The following RBM25 variants were observed in gnomAD, a reference collection of about 807,000 sequenced individuals.
RBM25 encodes the protein RNA-binding protein 25.
RBM25 carries 19 observed loss-of-function variants against 120.7 expected under a neutral mutation model. The ratio of observed to expected loss-of-function variants is 0.16; its 90% CI spans 0.11 to 0.23. The LOEUF (loss-of-function observed/expected upper bound fraction) is 0.23, where lower values mean the gene tolerates loss of function less well. Ranked by LOEUF, RBM25 falls within the 10% of genes least tolerant of loss-of-function variation. RBM25 has a pLI of 1.00. For synonymous variants in RBM25, 390 were observed against 326.7 expected, an observed-to-expected ratio of 1.19 and a Z score of -2.09; for missense variants, 605 against 1,041.5, an observed-to-expected ratio of 0.58 and a Z score of 5.77.
chr14:73,086,581 C>T (rs777032091), intron 5 of RBM25, among the ~76,000 whole-genome samples: 1 of 152,126 alleles, frequency 6.6e-6, no homozygotes, highest in Non-Finnish European at 1.5e-5. Flanking sequence ...CTGAGGTCCC[C>T]GAGTTTCAAG....
chr14:73,067,855 T>TC (rs1205784189), intron 1 of RBM25, among the ~76,000 whole-genome samples: 1 of 151,982 alleles, frequency 6.6e-6, no homozygotes, highest in Non-Finnish European at 1.5e-5. Context: ...CGCTTCGGCC[T>TC]CCCAAAGTGC....
rs200144909 is a variant in RBM25, at chr14:73,122,279, G to GT, written c.*2487dup. 0.11 allele frequency: 16,026 copies of GT among 143,100 alleles called. 1,041 individuals carry two copies. The highest frequency in any genetic ancestry group is 0.19 in the African/African-American group (7,426 of 39,340). The allele number at this position is 143,100 out of a possible 1,614,324, so 8.9% of individuals were successfully genotyped here. The stretch of plus-strand genomic sequence containing the variant: ...AGTCTTTTTTTGTTGTTTTTTTGGG[G>GT]TTTTTTTTTTTTTGAGAGGAAGTTG... On this transcript the variant is annotated 3_prime_UTR_variant, in exon 19 of 19. Transcript: ENST00000261973.
intron 1 of RBM25, 129 bp from the exon 2 acceptor site, chr14:73,071,498 T>G (rs1895292409): frequency 4.5e-6 from 3 of 666,366 alleles, no homozygotes; most frequent in Non-Finnish European, 7.9e-6. Context: ...AAGAGGGTCT[T>G]TGCCAATTTC....
chr14:73,068,349 G>T, intron 1 of RBM25: 1 of 703,472 alleles, frequency 1.4e-6, no homozygotes, highest in Non-Finnish European at 2.6e-6. Context: ...CGTCTTGGCA[G>T]TGAGCAGCAT....
At chr14:73,093,479 T>G (rs1895862090) in intron 6 of RBM25, among the ~76,000 whole-genome samples, 1 of 152,194 alleles carries the variant, frequency 6.6e-6, no homozygotes, top group Non-Finnish European at 1.5e-5. Context: ...TCACCTTTTG[T>G]TTCCCAGTAT....
In RBM25 at chr14:73,106,045, A is replaced by C. The variant is rs1399359697; in HGVS notation, c.1341A>C (p.Glu447Asp). Residue 447 changes from glutamate (E) to aspartate (D), a missense_variant, in exon 11 of 19, where the codon GAA (glutamate) becomes GAC (aspartate). Physicochemically the swap from Glu to Asp is conservative, Grantham distance 45. Around this residue, in one of 4 missense-constraint regions of RBM25, gnomAD observed 465 missense variants for 741.6 expected, o/e 0.63. Transcript: ENST00000261973. ...ATGCATACGAACGAAGAAAACTTGA[A>C]AGAAAACTCCGAGAGAAAGAAGCTG... ...EEDAYERRKL[E>D]RKLREKEAAY... 1.9e-6 allele frequency: 3 copies of C among 1,609,844 alleles called. No homozygotes were observed. Among genetic ancestry groups the C allele is most frequent in the South Asian group, 2.2e-5 (2 of 90,204 alleles).
chr14:73,094,322 A>G (rs1365271958), intron 6 of RBM25, among the ~76,000 whole-genome samples: 3 of 151,854 alleles, frequency 2.0e-5, no homozygotes, highest in Non-Finnish European at 4.4e-5. Context: ...TTTTGGGTTA[A>G]TAAACTTTTC....
At chr14:73,071,167 G>A (rs1401558981) in intron 1 of RBM25, among the ~76,000 whole-genome samples, 10 of 150,384 alleles carry the variant, frequency 6.6e-5, no homozygotes, top group Admixed American at 5.3e-4. Context: ...GCTTGAACCC[G>A]GGAGGCGGAG....
chr14:73,083,150 T>G (rs1018917305), intron 4 of RBM25, among the ~76,000 whole-genome samples: 1 of 152,214 alleles, frequency 6.6e-6, no homozygotes, highest in African/African-American at 2.4e-5. Context: ...TTCATAATAT[T>G]TACTTAAATT....
intron 1 of RBM25, among the ~76,000 whole-genome samples, chr14:73,062,690 A>G (rs578252045): frequency 1.5e-4 from 23 of 151,598 alleles, no homozygotes; most frequent in African/African-American, 5.5e-4. Context: ...TTCTTTTTGG[A>G]CCAGATTTCT....
chr14:73,106,329 CA>C (rs760162331), intron 12 of RBM25, 44 bp downstream of exon 12: 32 of 1,462,542 alleles, frequency 2.2e-5, no homozygotes, highest in Non-Finnish European at 3.0e-5. Flanking sequence ...GGTAAAAAGT[CA>C]GATTGTATCT....
At chr14:73,118,477 CA>C (rs1285834950) in intron 18 of RBM25, among the ~76,000 whole-genome samples, 2,450 of 136,894 alleles carry the variant, frequency 0.018, 71 homozygotes, top group African/African-American at 0.061. Flanking sequence ...ATCCTGTCTC[CA>C]GAAAAAAAAA....
intron 4 of RBM25, 73 bp from the exon 5 acceptor site, chr14:73,083,421 A>C (rs1328471271): frequency 8.4e-7 from 1 of 1,187,088 alleles, no homozygotes; most frequent in East Asian, 3.0e-5. Context: ...TAGAAATATA[A>C]TTTTGCTTTT....
At chr14:73,061,133 C>G (rs1322561136) in intron 1 of RBM25, among the ~76,000 whole-genome samples, 1 of 150,522 alleles carries the variant, frequency 6.6e-6, no homozygotes, top group Non-Finnish European at 1.5e-5. Flanking sequence ...TCTCACCTCA[C>G]TGTAACCTCC....
intron 16 of RBM25, among the ~76,000 whole-genome samples, 170 bp downstream of exon 16, chr14:73,111,972 A>AT (rs1003179532): frequency 3.9e-5 from 6 of 152,108 alleles, no homozygotes; most frequent in Admixed American, 3.3e-4. Flanking sequence ...AATAATGGAA[A>AT]TTTTTTTTGT....
At chr14:73,097,183 TC>T in intron 7 of RBM25, 83 bp downstream of exon 7, 2 of 646,536 alleles carry the variant, frequency 3.1e-6, no homozygotes. Flanking sequence ...ATGTCAGTTT[TC>T]TTTTTTCTTT....
At chr14:73,103,145 A>G in intron 9 of RBM25, 47 bp from the exon 10 acceptor site, 1 of 1,571,256 alleles carries the variant, frequency 6.4e-7, no homozygotes, top group South Asian at 1.2e-5. Flanking sequence ...AAATCTGAAT[A>G]CTGGAGCTAC....
intron 6 of RBM25, among the ~76,000 whole-genome samples, 154 bp from the exon 7 acceptor site, chr14:73,096,761 C>G (rs773035643): frequency 6.6e-6 from 1 of 152,072 alleles, no homozygotes; most frequent in Non-Finnish European, 1.5e-5. Context: ...AAAAATGAAG[C>G]TTTTCTGATG....
intron 18 of RBM25, among the ~76,000 whole-genome samples, chr14:73,117,232 T>C (rs1251364874): frequency 8.2e-5 from 8 of 98,038 alleles, no homozygotes; most frequent in Admixed American, 7.4e-4. Context: ...TTTTTTTTTT[T>C]TTTTTTTTTT....
Sources: gnomAD v4.1 joint callset for allele counts (sites outside exome capture counted in the v4.1 genomes callset) on GRCh38, gnomAD v4.1.1 for gene constraint, gnomAD v4.1.1 regional missense constraint, MANE v1.5 for transcripts, NCBI Gene and HGNC (gene_info 2026-07-23, HGNC 2026-07-21) for gene names.